The following EPG5 variants were observed in gnomAD, a reference collection of about 807,000 sequenced individuals.
EPG5 encodes the protein ectopic P granules protein 5 homolog.
Under a neutral mutation model 302.7 loss-of-function variants are expected in EPG5, and 159 were observed. That is an observed-to-expected ratio of 0.53 (90% confidence interval 0.46 to 0.60). EPG5 has a LOEUF of 0.60. Ranked by LOEUF, EPG5 falls within the 20% of genes least tolerant of loss-of-function variation. EPG5 has a pLI of 0.00. For missense variants in EPG5, 2,896 were observed against 3,092.4 expected (o/e 0.94, Z 1.51); for synonymous variants, 1,158 against 1,136.8 (o/e 1.02, Z -0.37).
At position 45,937,353 on chromosome 18, in the gene EPG5, C is replaced by CAT. The variant is rs1257951704; in HGVS notation, c.2099+2245_2099+2246dup. The stretch of plus-strand genomic sequence containing the variant: ...ATATACACATATATATAGATATACA[C>CAT]ATATATATACACACACACATATATA... On this transcript the variant is annotated intron_variant, in intron 10 of 43. Transcript: ENST00000282041. Among the ~76,000 whole-genome samples the CAT allele has an allele frequency of 2.0e-5, 3 of 149,216 alleles. No individual in the cohort carries two copies. In the South Asian group the frequency reaches 6.3e-4, roughly 31 times the overall value.
Position 45,860,720 on chromosome 18 carries a change from T to C in EPG5, c.6767-374A>G, listed in dbSNP as rs28499124. Among the ~76,000 whole-genome samples the C allele has an allele frequency of 8.4e-3, 1,285 of 152,318 alleles. 20 individuals carry two copies. The highest frequency in any genetic ancestry group is 0.029 in the African/African-American group (1,220 of 41,560). On this transcript the variant is annotated intron_variant, in intron 39 of 43. Coordinates refer to ENST00000282041, the MANE Select transcript of EPG5 (RefSeq NM_020964.3). ...CCAAATACGTAGATCTCACCAGTCA[T>C]TCAGTAAACCAAGTAGCAAAAGTAC...
At position 45,883,439 on chromosome 18, in the gene EPG5, G is replaced by A. The variant is rs574299572; in HGVS notation, c.5305-952C>T. ...ATTATAGGCTGAGATCAATCTGTAG[G>A]CCCTAAAATTGTCAAGGTTGTCTTT... On this transcript the variant is annotated intron_variant, in intron 30 of 43. Transcript: ENST00000282041. Among the ~76,000 whole-genome samples the A allele has an allele frequency of 2.4e-4, 35 of 148,514 alleles. No homozygotes were observed. In the East Asian group the frequency reaches 6.7e-3, roughly 29 times the overall value.
intron 25 of EPG5, among the ~76,000 whole-genome samples, chr18:45,903,419 T>C (rs775129919): frequency 4.6e-5 from 7 of 152,138 alleles, no homozygotes; most frequent in Admixed American, 6.5e-5. Flanking sequence ...TTTTGGTTAG[T>C]GGCAAGCTGG....
chr18:45,877,902 C>T (rs1030686495), intron 34 of EPG5, among the ~76,000 whole-genome samples: 3 of 152,184 alleles, frequency 2.0e-5, no homozygotes, highest in African/African-American at 7.2e-5. Context: ...AGGCAACTCA[C>T]TGAATTTGGA....
At chr18:45,859,751 T>C (rs2048592130) in intron 40 of EPG5, among the ~76,000 whole-genome samples, 1 of 152,248 alleles carries the variant, frequency 6.6e-6, no homozygotes, top group Non-Finnish European at 1.5e-5. Flanking sequence ...TATGATTATA[T>C]AGATCCTGGT....
intron 2 of EPG5, chr18:45,953,246 T>C (rs1440922167): frequency 2.1e-6 from 2 of 966,018 alleles, no homozygotes; most frequent in Non-Finnish European, 2.5e-6. Context: ...TCATGATTGA[T>C]GATCTTACCT....
intron 35 of EPG5, among the ~76,000 whole-genome samples, chr18:45,874,707 G>A (rs1050496258): frequency 6.6e-6 from 1 of 152,160 alleles, no homozygotes; most frequent in Non-Finnish European, 1.5e-5. Flanking sequence ...CAACACATGG[G>A]AATCATGGTA....
chr18:45,952,768 A>G, intron 2 of EPG5, 125 bp from the exon 3 acceptor site: 1 of 1,000,296 alleles, frequency 1.0e-6, no homozygotes. Flanking sequence ...CATGGTGAGG[A>G]GACATATTAC....
Position 45,870,600 on chromosome 18 carries a change from G to C in EPG5, c.6192C>G (p.His2064Gln). 1 of 1,614,094 alleles carries C rather than the reference G, an allele frequency of 6.2e-7. No homozygotes were observed. The highest frequency in any genetic ancestry group is 8.5e-7 in the Non-Finnish European group (1 of 1,179,984). ...TYRKLPWKDL[H>Q]PDQMLMEAFF... is the part of the protein sequence containing the mutation. ...AGGCCTCCATGAGCATCTGGTCAGG[G>C]TGCAGGTCCTTCCATGGCAGTTTCC... Residue 2064 changes from histidine to glutamine, a missense_variant, in exon 36 of 44, where the codon CAC becomes CAG. Physicochemically the swap from His to Gln is conservative, Grantham distance 24 (BLOSUM62 0). This residue lies in a region of EPG5 where 620 missense variants were observed against 704.2 expected (regional missense o/e 0.88). Coordinates refer to ENST00000282041, the MANE Select transcript of EPG5 (RefSeq NM_020964.3).
chr18:45,837,720 C>G, the EPG5 span: 1 of 1,499,880 alleles, frequency 6.7e-7, no homozygotes, highest in African/African-American at 1.5e-5. Flanking sequence ...TGCCAGACGG[C>G]GCTGAGCCTG....
intron 16 of EPG5, among the ~76,000 whole-genome samples, chr18:45,920,512 G>A (rs1256233183): frequency 5.3e-5 from 8 of 152,182 alleles, no homozygotes; most frequent in Admixed American, 1.3e-4. Context: ...TAATTCTGCC[G>A]GCTGGAAGAC....
intron 39 of EPG5, among the ~76,000 whole-genome samples, chr18:45,862,391 G>A (rs1281319652): frequency 6.6e-6 from 1 of 152,082 alleles, no homozygotes; most frequent in Non-Finnish European, 1.5e-5. Context: ...TCTATGATGA[G>A]CACTTAAGGC....
chr18:45,938,624 A>C (rs777472852), intron 10 of EPG5, among the ~76,000 whole-genome samples: 2 of 151,778 alleles, frequency 1.3e-5, no homozygotes, highest in Non-Finnish European at 2.9e-5. Context: ...CACAAGAAAA[A>C]CCCCCACTTA....
intron 10 of EPG5, among the ~76,000 whole-genome samples, chr18:45,938,865 A>G (rs1193986633): frequency 1.3e-5 from 2 of 152,248 alleles, no homozygotes; most frequent in Non-Finnish European, 2.9e-5. Context: ...GGCTAAGGCT[A>G]AGAGTTACAT....
At chr18:45,878,881 G>C in intron 33 of EPG5, 132 bp downstream of exon 33, 1 of 686,326 alleles carries the variant, frequency 1.5e-6, no homozygotes, top group Non-Finnish European at 2.5e-6. Context: ...ACATATATGG[G>C]CTCATGCCTG....
intron 24 of EPG5, among the ~76,000 whole-genome samples, chr18:45,905,526 T>C (rs770316830): frequency 6.6e-6 from 1 of 152,246 alleles, no homozygotes; most frequent in Non-Finnish European, 1.5e-5. Context: ...ATTGCATACA[T>C]GCTCCTTTAA....
At chr18:45,869,694 C>A (rs1179195697) in intron 36 of EPG5, among the ~76,000 whole-genome samples, 5 of 152,198 alleles carry the variant, frequency 3.3e-5, no homozygotes, top group African/African-American at 1.2e-4. Flanking sequence ...CTGCCCTCAG[C>A]TTTTCTTGCA....
rs905281252 is a variant in EPG5 at position 45,852,360 on chromosome 18, T to C, written c.*107A>G. The C allele has an allele frequency of 6.0e-6, 6 of 999,652 alleles. No individual in the cohort carries two copies. The highest frequency in any genetic ancestry group is 8.8e-6 in the Non-Finnish European group (6 of 682,150). 61.9% of individuals were successfully genotyped at this position (999,652 alleles called of 1,614,324 possible). A position where few individuals can be genotyped will look rare whatever the true frequency, so the allele number is the denominator to read the frequency against. Reference sequence around the variant, plus strand: ...AACTTGCATCTCAGTCAACTACACATTGGCCAAACTGAGCTCTACAGTGCA... The same window carrying C: ...AACTTGCATCTCAGTCAACTACACACTGGCCAAACTGAGCTCTACAGTGCA... On this transcript the variant is annotated 3_prime_UTR_variant, in exon 44 of 44. Transcript: ENST00000282041.
Position 45,852,559 on chromosome 18 carries a change from G to A in EPG5, c.7648C>T (p.Pro2550Ser). ...TTCCCATCTTGAAGGCAATGGCCAGGATGCCTTATAAATTGGGTGGCTTGC... is the reference window on the plus strand; with the variant it reads ...TTCCCATCTTGAAGGCAATGGCCAGAATGCCTTATAAATTGGGTGGCTTGC... ...ILQATQFIRH[P>S]GHCLQDGKSF... The change falls in exon 44 of 44, where the codon CCT (proline) becomes TCT (serine). Residue 2550 changes from proline (P) to serine (S), a missense_variant. By Grantham distance (74) the Pro-to-Ser change is moderately conservative (BLOSUM62 -1). Around this residue, in one of 5 missense-constraint regions of EPG5, gnomAD observed 620 missense variants for 704.2 expected, o/e 0.88. Coordinates refer to ENST00000282041, the MANE Select transcript of EPG5 (RefSeq NM_020964.3). 6.2e-7 allele frequency: 1 copy of A among 1,613,962 alleles called. No individual in the cohort carries two copies. Among genetic ancestry groups the A allele is most frequent in the South Asian group, 1.1e-5 (1 of 91,062 alleles).
Sources: gnomAD v4.1 joint callset for allele counts (sites outside exome capture counted in the v4.1 genomes callset) on GRCh38, gnomAD v4.1.1 for gene constraint, gnomAD v4.1.1 regional missense constraint, MANE v1.5 for transcripts, NCBI Gene and HGNC (gene_info 2026-07-23, HGNC 2026-07-21) for gene names.